Variants in ELOVL7 observed in about 807,000 individuals in gnomAD.
ELOVL7 encodes the protein very long chain fatty acid elongase 7.
ELOVL7 carries 27 observed loss-of-function variants against 35.7 expected under a neutral mutation model. That is an observed-to-expected ratio of 0.76 (90% CI 0.56 to 1.04). The LOEUF (loss-of-function observed/expected upper bound fraction) is 1.04, where lower values mean the gene tolerates loss of function less well. ELOVL7 is among the 50% of genes least tolerant of loss of function. The pLI, the probability that ELOVL7 is intolerant of heterozygous loss-of-function variation, is 0.00. For missense variants in ELOVL7, 327 were observed against 340.8 expected (o/e 0.96, Z 0.32); for synonymous variants, 113 against 114.6 (o/e 0.99, Z 0.09).
At chr5:60,790,454 C>A (rs1377944273) in intron 2 of ELOVL7, among the ~76,000 whole-genome samples, 2 of 152,132 alleles carry the variant, frequency 1.3e-5, no homozygotes, top group Non-Finnish European at 2.9e-5. Flanking sequence ...TGCAGATACA[C>A]CCAAAATAGA....
At chr5:60,798,031 T>C (rs1198711277) in intron 2 of ELOVL7, among the ~76,000 whole-genome samples, 1 of 152,194 alleles carries the variant, frequency 6.6e-6, no homozygotes, top group African/African-American at 2.4e-5. Flanking sequence ...TGCCTTTGCT[T>C]TGAGTTGTCC....
In ELOVL7 at chr5:60,754,633, T is replaced by G; in HGVS notation, c.837A>C (p.Lys279Asn). The G allele has an allele frequency of 6.2e-7, 1 of 1,614,110 alleles. No individual in the cohort carries two copies. The highest frequency in any genetic ancestry group is 8.5e-7 in the Non-Finnish European group (1 of 1,179,944). ...AGACTTATGTTGGGCTTCAATTATCTTTGTTTTTGCAAGTTCCATTTTTCA... is the reference window on the plus strand; with the variant it reads ...AGACTTATGTTGGGCTTCAATTATCGTTGTTTTTGCAAGTTCCATTTTTCA... ...KTVKNGTCKN[K>N]DN The change falls in exon 9 of 9, where the codon AAA becomes AAC. Residue 279 changes from lysine to asparagine, a missense_variant. Physicochemically the swap from Lys to Asn is moderately conservative, Grantham distance 94. Transcript: ENST00000508821.
intron 2 of ELOVL7, among the ~76,000 whole-genome samples, chr5:60,796,008 GT>G (rs762637523): frequency 6.6e-5 from 10 of 152,164 alleles, no homozygotes; most frequent in Non-Finnish European, 1.5e-4. Context: ...TAACAGTATT[GT>G]ATAGACAGTC....
chr5:60,838,046 T>C (rs1452645676), intron 1 of ELOVL7, among the ~76,000 whole-genome samples: 1 of 152,300 alleles, frequency 6.6e-6, no homozygotes, highest in East Asian at 1.9e-4. Flanking sequence ...AAAGGTGAAA[T>C]GGCAAGCGCC....
intron 1 of ELOVL7, among the ~76,000 whole-genome samples, chr5:60,832,512 C>T (rs1313939003): frequency 6.6e-6 from 1 of 152,074 alleles, no homozygotes; most frequent in Non-Finnish European, 1.5e-5. Context: ...ACTACAGGCA[C>T]CCACCACCAC....
At chr5:60,789,863 C>T (rs1489635321) in intron 2 of ELOVL7, among the ~76,000 whole-genome samples, 11 of 152,114 alleles carry the variant, frequency 7.2e-5, no homozygotes, top group African/African-American at 2.4e-4. Context: ...AAGAGCTGGG[C>T]GCAGTGGCTC....
intron 1 of ELOVL7, among the ~76,000 whole-genome samples, chr5:60,824,791 AAAC>A (rs1172932643): frequency 6.6e-6 from 1 of 152,152 alleles, no homozygotes; most frequent in Non-Finnish European, 1.5e-5. Context: ...CTCAAGTTAA[AAAC>A]AACAAAACAA....
chr5:60,836,675 A>G (rs1746815768), intron 1 of ELOVL7, among the ~76,000 whole-genome samples: 2 of 151,986 alleles, frequency 1.3e-5, no homozygotes, highest in Non-Finnish European at 2.9e-5. Context: ...CCCTTGTTAG[A>G]GCATTTAATT....
chr5:60,763,552 G>A (rs1742050504), intron 7 of ELOVL7, among the ~76,000 whole-genome samples: 1 of 152,148 alleles, frequency 6.6e-6, no homozygotes, highest in Non-Finnish European at 1.5e-5. Context: ...ATATATCCTT[G>A]GGGATATCAC....
chr5:60,766,019 G>C (rs1742213661), intron 6 of ELOVL7, among the ~76,000 whole-genome samples: 1 of 152,132 alleles, frequency 6.6e-6, no homozygotes. Context: ...GGTCATCCAA[G>C]TTCAGAGGCG....
At chr5:60,762,463 T>C (rs76497225) in intron 7 of ELOVL7, among the ~76,000 whole-genome samples, 1,613 of 152,236 alleles carry the variant, frequency 0.011, 14 homozygotes, top group Middle Eastern at 0.031. Context: ...ATTTCTCCCA[T>C]TCTTGAACTG....
intron 1 of ELOVL7, among the ~76,000 whole-genome samples, chr5:60,808,021 A>AAAAAAAAAG (rs1745041452): frequency 2.2e-5 from 3 of 136,814 alleles, no homozygotes; most frequent in Non-Finnish European, 1.6e-5. Flanking sequence ...AAAAAAAAAA[A>AAAAAAAAAG]GAATAAAATG....
chr5:60,827,285 T>A (rs1332869502), intron 1 of ELOVL7, among the ~76,000 whole-genome samples: 1 of 152,222 alleles, frequency 6.6e-6, no homozygotes, highest in Non-Finnish European at 1.5e-5. Flanking sequence ...TAGACTAATA[T>A]TTCCTTCCAC....
At chr5:60,824,026 G>C (rs1368663501) in intron 1 of ELOVL7, among the ~76,000 whole-genome samples, 1 of 152,144 alleles carries the variant, frequency 6.6e-6, no homozygotes, top group African/African-American at 2.4e-5. Flanking sequence ...GATTACTGTA[G>C]GATTAATTTG....
At chr5:60,781,861 T>G (rs930819516) in intron 3 of ELOVL7, among the ~76,000 whole-genome samples, 1 of 152,210 alleles carries the variant, frequency 6.6e-6, no homozygotes, top group Non-Finnish European at 1.5e-5. Flanking sequence ...ATCTGCAAAT[T>G]GGGCATTAAA....
At chr5:60,771,152 A>G (rs1298461022) in intron 4 of ELOVL7, among the ~76,000 whole-genome samples, 2 of 152,186 alleles carry the variant, frequency 1.3e-5, no homozygotes, top group Non-Finnish European at 2.9e-5. Flanking sequence ...GTTATGCTAT[A>G]GAGGAAGTTA....
At chr5:60,770,017 C>A (rs758002325) in intron 4 of ELOVL7, among the ~76,000 whole-genome samples, 3 of 150,054 alleles carry the variant, frequency 2.0e-5, no homozygotes, top group Non-Finnish European at 4.4e-5. Context: ...TGCCACTGCA[C>A]TCCAGCTTGG....
intron 1 of ELOVL7, among the ~76,000 whole-genome samples, chr5:60,830,781 C>T (rs1746440115): frequency 6.6e-6 from 1 of 152,192 alleles, no homozygotes; most frequent in Non-Finnish European, 1.5e-5. Context: ...TTCTAGAACT[C>T]TTCATCTTGT....
intron 1 of ELOVL7, among the ~76,000 whole-genome samples, chr5:60,805,738 T>G (rs1227631365): frequency 6.6e-6 from 1 of 152,198 alleles, no homozygotes; most frequent in Non-Finnish European, 1.5e-5. Context: ...GGGCTAGGTG[T>G]GCCACTAAGG....
Sources: allele counts gnomAD v4.1 joint callset (sites outside exome capture counted in the v4.1 genomes callset), GRCh38; gene constraint gnomAD v4.1.1; transcripts MANE v1.5; gene names NCBI Gene and HGNC (gene_info 2026-07-23, HGNC 2026-07-21).